Variants in SPMIP2 observed in about 807,000 individuals in gnomAD.
SPMIP2 encodes protein SPMIP2.
the SPMIP2 span, among the ~76,000 whole-genome samples, chr4:158,910,330 A>G: frequency 1.3e-5 from 2 of 150,068 alleles, no homozygotes; most frequent in African/African-American, 2.5e-5. Flanking sequence ...CTGGAGTGCA[A>G]TGGCACGTTC....
At chr4:159,079,597 C>T in the SPMIP2 span, among the ~76,000 whole-genome samples, 1 of 152,140 alleles carries the variant, frequency 6.6e-6, no homozygotes. Context: ...TTTGTATTGG[C>T]TGTTTTCATG....
the SPMIP2 span, among the ~76,000 whole-genome samples, chr4:158,944,267 C>T: frequency 2.2e-4 from 33 of 152,176 alleles, no homozygotes; most frequent in African/African-American, 7.2e-4. Flanking sequence ...CTCCCTCTTC[C>T]CCTAAATTGT....
the SPMIP2 span, among the ~76,000 whole-genome samples, chr4:158,974,075 T>A: frequency 6.6e-6 from 1 of 151,812 alleles, no homozygotes; most frequent in Non-Finnish European, 1.5e-5. Context: ...TATTGAGGTG[T>A]TTTATCTAGG....
the SPMIP2 span, among the ~76,000 whole-genome samples, chr4:158,921,090 C>T: frequency 6.6e-6 from 1 of 152,118 alleles, no homozygotes; most frequent in Non-Finnish European, 1.5e-5. Flanking sequence ...GGGCAGGTTC[C>T]CCTGATAATC....
At chr4:159,069,983 C>T in the SPMIP2 span, among the ~76,000 whole-genome samples, 9 of 151,556 alleles carry the variant, frequency 5.9e-5, no homozygotes, top group East Asian at 1.9e-4. Context: ...ATTTTAAGCA[C>T]GTTATTGTAA....
chr4:158,937,134 C>T, the SPMIP2 span, among the ~76,000 whole-genome samples: 1 of 152,186 alleles, frequency 6.6e-6, no homozygotes, highest in Non-Finnish European at 1.5e-5. Flanking sequence ...TCCCTGCCGC[C>T]ATAGAATCAT....
the SPMIP2 span, among the ~76,000 whole-genome samples, chr4:159,053,249 C>T: frequency 6.6e-6 from 1 of 152,154 alleles, no homozygotes; most frequent in African/African-American, 2.4e-5. Flanking sequence ...AGCCACCGCG[C>T]CCGGCCGACT....
the SPMIP2 span, among the ~76,000 whole-genome samples, chr4:159,051,205 A>G: frequency 6.6e-6 from 1 of 152,188 alleles, no homozygotes; most frequent in Non-Finnish European, 1.5e-5. Flanking sequence ...TGTATAACAG[A>G]GTAACCAGAG....
chr4:158,988,196 C>T, the SPMIP2 span, among the ~76,000 whole-genome samples: 1 of 152,052 alleles, frequency 6.6e-6, no homozygotes, highest in East Asian at 1.9e-4. Flanking sequence ...AAGTAGGAAG[C>T]AGTCAAATGC....
At chr4:158,988,327 G>T in the SPMIP2 span, among the ~76,000 whole-genome samples, 1 of 152,156 alleles carries the variant, frequency 6.6e-6, no homozygotes. Flanking sequence ...AGAGGAGCTG[G>T]TACCATTCCT....
the SPMIP2 span, among the ~76,000 whole-genome samples, chr4:159,022,321 T>C: frequency 3.3e-5 from 5 of 152,244 alleles, no homozygotes; most frequent in African/African-American, 1.2e-4. Flanking sequence ...ATTCCATTTT[T>C]ATATTATCAT....
At chr4:158,978,225 G>A in the SPMIP2 span, among the ~76,000 whole-genome samples, 3 of 152,164 alleles carry the variant, frequency 2.0e-5, no homozygotes, top group Non-Finnish European at 2.9e-5. Flanking sequence ...GTAGTTGTGC[G>A]GTTTTGAGTG....
the SPMIP2 span, among the ~76,000 whole-genome samples, chr4:159,061,112 T>C: frequency 3.9e-5 from 2 of 51,312 alleles, no homozygotes; most frequent in Non-Finnish European, 9.4e-5. Context: ...TATATATACA[T>C]ATATATATAT....
chr4:159,036,937 T>C, the SPMIP2 span, among the ~76,000 whole-genome samples: 3 of 152,184 alleles, frequency 2.0e-5, no homozygotes, highest in Non-Finnish European at 1.5e-5. Flanking sequence ...TCTTTGAAAC[T>C]ACCATTTTCC....
the SPMIP2 span, among the ~76,000 whole-genome samples, chr4:158,987,160 AG>A: frequency 1.5e-5 from 2 of 136,762 alleles, no homozygotes; most frequent in African/African-American, 2.7e-5. Flanking sequence ...GTGGAGAAAT[AG>A]GAACACTTTT....
chr4:158,944,728 T>C, the SPMIP2 span, among the ~76,000 whole-genome samples: 2 of 152,302 alleles, frequency 1.3e-5, no homozygotes, highest in East Asian at 3.9e-4. Context: ...AACTAGAAAA[T>C]TTGGAGTCAT....
the SPMIP2 span, among the ~76,000 whole-genome samples, chr4:158,896,816 C>A: frequency 6.6e-6 from 1 of 151,022 alleles, no homozygotes; most frequent in East Asian, 1.9e-4. Flanking sequence ...CTCTACCAGC[C>A]TCATACTTCA....
At chr4:158,913,210 G>C in the SPMIP2 span, among the ~76,000 whole-genome samples, 3 of 152,166 alleles carry the variant, frequency 2.0e-5, no homozygotes, top group Non-Finnish European at 2.9e-5. Flanking sequence ...ACTTTTTGTT[G>C]TTGCTGTTGT....
At chr4:159,025,853 C>T in the SPMIP2 span, among the ~76,000 whole-genome samples, 13 of 152,112 alleles carry the variant, frequency 8.5e-5, no homozygotes, top group South Asian at 2.1e-4. Context: ...AGGGGAAAGC[C>T]GACATTGGTG....
Sources: gnomAD v4.1 joint callset for allele counts (sites outside exome capture counted in the v4.1 genomes callset) on GRCh38, gnomAD v4.1.1 for gene constraint, MANE v1.5 for transcripts, NCBI Gene and HGNC (gene_info 2026-07-23, HGNC 2026-07-21) for gene names.